The following LGI1 variants were observed in gnomAD, a reference collection of about 807,000 sequenced individuals.
LGI1 encodes leucine-rich glioma-inactivated protein 1.
Under a neutral mutation model 57.7 loss-of-function variants are expected in LGI1, and 11 were observed. The observed-to-expected ratio is 0.19, with a 90% CI of 0.12 to 0.32. LGI1 has a LOEUF of 0.32. LGI1 is among the 10% of genes least tolerant of loss of function. The probability of loss-of-function intolerance (pLI) is 1.00; values close to 1 mark genes in which losing one functional copy is unlikely to be tolerated. For synonymous variants in LGI1, 222 were observed against 241.9 expected (o/e 0.92, Z 0.76); for missense variants, 422 against 661.9 (o/e 0.64, Z 3.98).
chr10:93,765,863 G>A (rs1350382876), intron 2 of LGI1, among the ~76,000 whole-genome samples: 1 of 151,622 alleles, frequency 6.6e-6, no homozygotes, highest in Non-Finnish European at 1.5e-5. Flanking sequence ...CCAGCTACTC[G>A]GGAGGCTGAG....
At chr10:93,765,916 G>A (rs2059670860) in intron 2 of LGI1, among the ~76,000 whole-genome samples, 1 of 146,742 alleles carries the variant, frequency 6.8e-6, no homozygotes, top group Non-Finnish European at 1.5e-5. Flanking sequence ...CTTGCAGTGA[G>A]CCGAGATCGC....
chr10:93,797,386 A>G lies in LGI1; in HGVS notation c.1257A>G (p.Leu419=). The G allele has an allele frequency of 6.2e-7, 1 of 1,614,246 alleles. No individual in the cohort carries two copies. Among genetic ancestry groups the G allele is most frequent in the Admixed American group, 1.7e-5 (1 of 60,030 alleles). ...VIYQWNKATQ[L]FTNQTDIPNM... ...ATCAGTGGAACAAAGCAACACAATT[A>G]TTCACTAACCAAACTGACATTCCTA... The change falls in exon 8 of 8, where the codon TTA becomes TTG. Residue 419 remains leucine (L), a synonymous_variant. Coordinates refer to ENST00000371418, the MANE Select transcript of LGI1 (RefSeq NM_005097.4). This position sits in a 1 kb window ranked among gnomAD's most constrained non-coding sequence, Gnocchi z 6.5.
At chr10:93,781,054 C>T (rs925216601) in intron 4 of LGI1, among the ~76,000 whole-genome samples, 1 of 152,148 alleles carries the variant, frequency 6.6e-6, no homozygotes, top group African/African-American at 2.4e-5. Context: ...GAGACATTTA[C>T]AGATAACTTA....
chr10:93,762,257 G>A (rs919197174), intron 2 of LGI1, among the ~76,000 whole-genome samples: 4 of 152,300 alleles, frequency 2.6e-5, no homozygotes, highest in Non-Finnish European at 5.9e-5. Flanking sequence ...TTGAAAGACA[G>A]AATTGATCTT....
In LGI1 at chr10:93,790,633, T is replaced by G. The variant is rs75534308; in HGVS notation, c.503+463T>G. ...GGAAGTGGGGGAAGGGAGAAAAGTT[T>G]GCCTTTTTTCTCATTAGACTGAACA... On this transcript the variant is annotated intron_variant, in intron 5 of 7. Transcript: ENST00000371418. 327 of 160,628 alleles carry G rather than the reference T, an allele frequency of 2.0e-3. 10 individuals are homozygous for G. In the East Asian group the frequency reaches 0.054, roughly 26 times the overall value. The allele number at this position is 160,628 out of a possible 1,614,324, so 10.0% of individuals were successfully genotyped here.
At chr10:93,787,294 C>G (rs1273660654) in intron 4 of LGI1, among the ~76,000 whole-genome samples, 1 of 152,194 alleles carries the variant, frequency 6.6e-6, no homozygotes, top group Non-Finnish European at 1.5e-5. Context: ...CCATTTCTCC[C>G]TCTGGCTCCC....
intron 4 of LGI1, chr10:93,789,330 C>T (rs2059916746): frequency 6.6e-6 from 1 of 152,178 alleles, no homozygotes; most frequent in South Asian, 2.1e-4. Context: ...AAAGGATGTA[C>T]TGGGGAAGAG....
intron 6 of LGI1, 116 bp downstream of exon 6, chr10:93,793,028 T>A (rs572997878): frequency 5.3e-5 from 67 of 1,256,336 alleles, no homozygotes; most frequent in South Asian, 1.2e-4. Context: ...AACTTAATTT[T>A]AAAAAAATTA....
intron 4 of LGI1, among the ~76,000 whole-genome samples, chr10:93,784,895 A>G (rs891879674): frequency 1.8e-4 from 27 of 152,288 alleles, no homozygotes; most frequent in African/African-American, 6.0e-4. Flanking sequence ...CCATAACATG[A>G]TGTTCCAGAA....
chr10:93,777,928 CTG>C (rs2059808022), intron 4 of LGI1, among the ~76,000 whole-genome samples: 1 of 152,194 alleles, frequency 6.6e-6, no homozygotes, highest in South Asian at 2.1e-4. Context: ...TATGAGTTGA[CTG>C]TATAATTTGA....
rs80276254 is a variant in LGI1, at chr10:93,784,361, A to G, written c.432-5738A>G. 3.9e-3 allele frequency among the ~76,000 whole-genome samples: 600 copies of G among 152,352 alleles called. 4 individuals carry two copies. The highest frequency in any genetic ancestry group is 0.012 in the African/African-American group (479 of 41,576). ...ATCTATTAATTTTAAAGATGAAGCC[A>G]TAGCCTCTCAGTGAAAATGACAAAG... On this transcript the variant is annotated intron_variant, in intron 4 of 7. Transcript: ENST00000371418.
intron 4 of LGI1, among the ~76,000 whole-genome samples, chr10:93,778,579 T>C (rs891806410): frequency 1.3e-5 from 2 of 152,236 alleles, no homozygotes; most frequent in African/African-American, 4.8e-5. Context: ...TTGGAGGGGA[T>C]ATATGCCTCG....
intron 2 of LGI1, chr10:93,769,977 G>A (rs575707980): frequency 1.3e-5 from 2 of 152,316 alleles, no homozygotes; most frequent in East Asian, 3.9e-4. Context: ...CATGTCATTA[G>A]AGCCAGGGTG....
At chr10:93,796,169 T>A (rs2059977870) in intron 7 of LGI1, among the ~76,000 whole-genome samples, 1 of 152,226 alleles carries the variant, frequency 6.6e-6, no homozygotes, top group Admixed American at 6.5e-5. Context: ...CACCCTTCTT[T>A]CGATTTTTTT....
chr10:93,758,902 C>T lies in LGI1; in HGVS notation c.287+71C>T. On this transcript the variant is annotated intron_variant, in intron 2 of 7. Coordinates refer to ENST00000371418, the MANE Select transcript of LGI1 (RefSeq NM_005097.4). This position sits in a 1 kb window ranked among gnomAD's most constrained non-coding sequence, Gnocchi z 4.7. Reference sequence around the variant, plus strand: ...TGGATAAGCCTTCTAGTAAAATGATCTCAATATTAATTTTGTCAAATGTGA... The same window carrying T: ...TGGATAAGCCTTCTAGTAAAATGATTTCAATATTAATTTTGTCAAATGTGA... 9.2e-7 allele frequency: 1 copy of T among 1,085,682 alleles called. No homozygotes were observed. Among genetic ancestry groups the T allele is most frequent in the Non-Finnish European group, 1.4e-6 (1 of 707,906 alleles). The allele number at this position is 1,085,682 out of a possible 1,614,324, so 67.3% of individuals were successfully genotyped here. A position where few individuals can be genotyped will look rare whatever the true frequency, so the allele number is the denominator to read the frequency against.
At chr10:93,765,897 G>C (rs2059670293) in intron 2 of LGI1, among the ~76,000 whole-genome samples, 1 of 151,124 alleles carries the variant, frequency 6.6e-6, no homozygotes, top group African/African-American at 2.4e-5. Context: ...GTGAACCCAG[G>C]AGGCGGAGCT....
At chr10:93,773,638 G>A (rs937518672) in intron 2 of LGI1, among the ~76,000 whole-genome samples, 20 of 152,100 alleles carry the variant, frequency 1.3e-4, no homozygotes, top group African/African-American at 4.3e-4. Flanking sequence ...ACATACTCCC[G>A]TGGTTGCAGA....
chr10:93,769,196 A>T (rs1589755679), intron 2 of LGI1: 1 of 152,234 alleles, frequency 6.6e-6, no homozygotes, highest in Admixed American at 6.5e-5. Flanking sequence ...AAGGGTTTGG[A>T]TCATTTAAGC....
At chr10:93,763,758 G>T (rs747200828) in intron 2 of LGI1, 1 of 152,040 alleles carries the variant, frequency 6.6e-6, no homozygotes, top group Non-Finnish European at 1.5e-5. Flanking sequence ...CAAAGGCAAA[G>T]CATCTAAGCC....
Sources: gnomAD v4.1 joint callset for allele counts (sites outside exome capture counted in the v4.1 genomes callset) on GRCh38, gnomAD v4.1.1 for gene constraint, Gnocchi (gnomAD v3.1) non-coding constraint, MANE v1.5 for transcripts, NCBI Gene and HGNC (gene_info 2026-07-23, HGNC 2026-07-21) for gene names.